Variants in PARP9 observed in about 807,000 individuals in gnomAD.
PARP9 encodes protein mono-ADP-ribosyltransferase PARP9.
A neutral mutation model predicts 68.8 loss-of-function variants in PARP9; 48 were observed. The observed-to-expected ratio is 0.70, with a 90% CI of 0.55 to 0.89. The LOEUF (loss-of-function observed/expected upper bound fraction) is 0.89, where lower values mean the gene tolerates loss of function less well. Among genes scored for constraint, PARP9 ranks in the 40% least tolerant of loss-of-function variants. PARP9 has a pLI of 0.00. For missense variants in PARP9, 806 were observed against 969.3 expected (o/e 0.83, Z 2.24); for synonymous variants, 309 against 333.8 (o/e 0.93, Z 0.81).
At chr3:122,545,590 C>G in intron 6 of PARP9, 101 bp from the exon 7 acceptor site, 1 of 1,083,574 alleles carries the variant, frequency 9.2e-7, no homozygotes, top group Admixed American at 1.7e-5. Context: ...TTCATCCACT[C>G]TGTCAGTCCC....
intron 3 of PARP9, among the ~76,000 whole-genome samples, chr3:122,556,709 C>T (rs76282583): frequency 0.15 from 22,324 of 151,920 alleles, 1,720 homozygotes; most frequent in Middle Eastern, 0.3. Context: ...GAACAAAGCA[C>T]GTGTAACTAG....
At position 122,555,965 on chromosome 3, in the gene PARP9, C is replaced by CT; in HGVS notation, c.205dup (p.Ser69LysfsTer14). On this transcript the variant is annotated frameshift_variant, in exon 4 of 11. Coordinates refer to ENST00000682323, the MANE Select transcript of PARP9 (RefSeq NM_001146105.2). LOFTEE classifies it high-confidence loss of function. ...TTTTCTGAACACTTGCAGAGATTTGCTGTTGCCTTCCTGAACTGGAGAGAC... is the reference window on the plus strand; with the variant it reads ...TTTTCTGAACACTTGCAGAGATTTGCTTGTTGCCTTCCTGAACTGGAGAGAC... 1 of 1,613,886 alleles carries CT rather than the reference C, an allele frequency of 6.2e-7. No homozygotes were observed. Among genetic ancestry groups the CT allele is most frequent in the Non-Finnish European group, 8.5e-7 (1 of 1,179,984 alleles).
intron 1 of PARP9, among the ~76,000 whole-genome samples, chr3:122,561,016 T>C (rs564604628): frequency 6.6e-6 from 1 of 152,344 alleles, no homozygotes; most frequent in African/African-American, 2.4e-5. Flanking sequence ...CAGAAAAGCC[T>C]TCCCAACTTT....
intron 9 of PARP9, 185 bp downstream of exon 9, chr3:122,536,749 C>T: frequency 3.1e-6 from 2 of 654,966 alleles, no homozygotes; most frequent in Non-Finnish European, 5.0e-6. Flanking sequence ...TCATTCCTAC[C>T]TCCCGATTCC....
intron 10 of PARP9, chr3:122,534,649 G>A (rs2077517289): frequency 4.9e-6 from 1 of 202,732 alleles, no homozygotes; most frequent in Non-Finnish European, 8.8e-6. Flanking sequence ...GGAGGCTGAG[G>A]TGGACGGATC....
At chr3:122,541,016 G>C (rs544598354) in intron 7 of PARP9, among the ~76,000 whole-genome samples, 164 bp from the exon 8 acceptor site, 3 of 151,086 alleles carry the variant, frequency 2.0e-5, no homozygotes, top group African/African-American at 4.9e-5. Context: ...TCAGCCTCCC[G>C]AGTAGCTGGG....
upstream of PARP9, chr3:122,564,483 C>T: frequency 1.2e-6 from 2 of 1,612,518 alleles, no homozygotes; most frequent in Non-Finnish European, 1.7e-6. Context: ...ACAAGTCCGG[C>T]CCCCGAGTAC....
chr3:122,563,511 T>C (rs987826067), intron 1 of PARP9, among the ~76,000 whole-genome samples: 1 of 152,210 alleles, frequency 6.6e-6, no homozygotes, highest in Admixed American at 6.5e-5. Flanking sequence ...ATCTGTTTCT[T>C]TATCCTTTAA....
chr3:122,542,260 T>C (rs1430349625), intron 7 of PARP9, among the ~76,000 whole-genome samples: 1 of 141,468 alleles, frequency 7.1e-6, no homozygotes, highest in Non-Finnish European at 1.5e-5. Context: ...ACTACTACTT[T>C]TTTTTTTTTT....
chr3:122,557,921 AT>A (rs1445509873), intron 3 of PARP9, among the ~76,000 whole-genome samples: 1 of 152,168 alleles, frequency 6.6e-6, no homozygotes, highest in African/African-American at 2.4e-5. Flanking sequence ...TGAAAAAAAA[AT>A]GTGCATCCTA....
chr3:122,544,840 A>T (rs995306011), intron 7 of PARP9, among the ~76,000 whole-genome samples: 1 of 152,196 alleles, frequency 6.6e-6, no homozygotes, highest in African/African-American at 2.4e-5. Flanking sequence ...TGTCTCAAAA[A>T]GAAAAGAAAA....
At chr3:122,559,500 T>G in intron 2 of PARP9, 106 bp downstream of exon 2, 1 of 1,120,386 alleles carries the variant, frequency 8.9e-7, no homozygotes, top group Admixed American at 2.7e-5. Flanking sequence ...TAAAAGCAGA[T>G]GAGGATGTCA....
At chr3:122,561,424 TCCAG>T (rs1158723105) in intron 1 of PARP9, among the ~76,000 whole-genome samples, 1 of 152,024 alleles carries the variant, frequency 6.6e-6, no homozygotes, top group African/African-American at 2.4e-5. Context: ...GCCACTGCAC[TCCAG>T]CCTGGGCAAG....
chr3:122,540,481 G>A lies in PARP9; in HGVS notation c.1756C>T (p.Arg586Cys), dbSNP rs757344516. The change falls in exon 8 of 11, where the codon CGC (arginine) becomes TGC (cysteine). Residue 586 changes from arginine (R) to cysteine (C), a missense_variant. By Grantham distance (180) the Arg-to-Cys change is radical. Around this residue, in one of 2 missense-constraint regions of PARP9, gnomAD observed 680 missense variants for 858.8 expected, o/e 0.79. Transcript: ENST00000682323. ...ATAGAAAGTTACTCACCTAACGAGCGCCAAAGGCCTCGCTCCTTTTTCCTT... is the reference window on the plus strand; with the variant it reads ...ATAGAAAGTTACTCACCTAACGAGCACCAAAGGCCTCGCTCCTTTTTCCTT... ...MARKKERGLW[R>C]SLGQWTIQQQ... 4.3e-5 allele frequency: 70 copies of A among 1,612,394 alleles called. No individual in the cohort carries two copies. The highest frequency in any genetic ancestry group is 4.2e-4 in the South Asian group (38 of 91,014).
In PARP9 at chr3:122,532,652, T is replaced by C. The variant is rs148349649; in HGVS notation, c.2080+3516A>G. On this transcript the variant is annotated intron_variant, in intron 10 of 10. Coordinates refer to ENST00000682323, the MANE Select transcript of PARP9 (RefSeq NM_001146105.2). ...TTTTAGTACTTATTAAAGTTATAGA[T>C]GTCATAACAAAGGAATGGAGGTATG... The C allele has an allele frequency of 5.1e-4, 79 of 155,410 alleles. 1 individual carries two copies. Among genetic ancestry groups the C allele is most frequent in the Non-Finnish European group, 8.9e-4 (63 of 70,912 alleles). 9.6% of individuals were successfully genotyped at this position (155,410 alleles called of 1,614,324 possible).
chr3:122,538,187 G>C (rs1180895543), intron 8 of PARP9, among the ~76,000 whole-genome samples: 3 of 147,052 alleles, frequency 2.0e-5, no homozygotes, highest in Non-Finnish European at 4.4e-5. Context: ...ATTAACTTTG[G>C]GGAGCAATAG....
chr3:122,539,511 CTTTCTTT>C (rs2077952456), intron 8 of PARP9, among the ~76,000 whole-genome samples: 7 of 16,964 alleles, frequency 4.1e-4, no homozygotes, highest in African/African-American at 1.5e-3. Flanking sequence ...GATGGCATTT[CTTTCTTT>C]CTTTCTTTCT....
intron 1 of PARP9, among the ~76,000 whole-genome samples, chr3:122,563,329 A>G (rs960135432): frequency 6.6e-6 from 1 of 152,324 alleles, no homozygotes. Context: ...ATGTAAGTAT[A>G]AGAAAAACAC....
intron 10 of PARP9, chr3:122,535,489 T>G: frequency 1.0e-6 from 1 of 985,380 alleles, no homozygotes; most frequent in Non-Finnish European, 1.2e-6. Flanking sequence ...GCTAAGTATC[T>G]CTCCATAATT....
Sources: gnomAD v4.1 joint callset for allele counts (sites outside exome capture counted in the v4.1 genomes callset) on GRCh38, gnomAD v4.1.1 for gene constraint, gnomAD v4.1.1 regional missense constraint, MANE v1.5 for transcripts, NCBI Gene and HGNC (gene_info 2026-07-23, HGNC 2026-07-21) for gene names.